The following ERC2 variants were observed in gnomAD, a reference collection of about 807,000 sequenced individuals.
The protein encoded by ERC2 is ELKS/RAB6-interacting/CAST family member 2, also known as ERC protein 2.
In ERC2, 42 loss-of-function variants were observed where a neutral mutation model predicts 114.8. The ratio of observed to expected loss-of-function variants is 0.37; its 90% CI spans 0.29 to 0.47. The LOEUF is 0.47. ERC2 is among the 20% of genes least tolerant of loss of function. The probability of loss-of-function intolerance (pLI) is 0.99; values close to 1 mark genes in which losing one functional copy is unlikely to be tolerated. For synonymous variants in ERC2, 454 were observed against 425.5 expected (o/e 1.07, Z -0.82); for missense variants, 939 against 1,150.7 (o/e 0.82, Z 2.66).
intron 15 of ERC2, among the ~76,000 whole-genome samples, chr3:55,720,131 C>T (rs1236968176): frequency 1.0e-4 from 1 of 9,760 alleles, no homozygotes; most frequent in Non-Finnish European, 1.7e-4. Context: ...CTTCTTCTTC[C>T]TCTTCTTCTT....
intron 6 of ERC2, among the ~76,000 whole-genome samples, chr3:56,129,886 A>G (rs750562118): frequency 2.6e-5 from 4 of 152,252 alleles, no homozygotes; most frequent in Non-Finnish European, 5.9e-5. Flanking sequence ...TATCTTAATT[A>G]CATATTTGGT....
intron 4 of ERC2, among the ~76,000 whole-genome samples, chr3:56,166,431 T>C (rs1357326569): frequency 6.6e-6 from 1 of 152,090 alleles, no homozygotes; most frequent in Non-Finnish European, 1.5e-5. Context: ...GAAGAGTTTC[T>C]GTATGATTGA....
chr3:56,411,292 A>G (rs1284242621), intron 2 of ERC2, among the ~76,000 whole-genome samples: 1 of 151,608 alleles, frequency 6.6e-6, no homozygotes, highest in Non-Finnish European at 1.5e-5. Flanking sequence ...CTCCTCCATG[A>G]GCACATCAAA....
intron 14 of ERC2, among the ~76,000 whole-genome samples, chr3:55,803,607 T>G (rs2059386190): frequency 6.6e-6 from 1 of 152,012 alleles, no homozygotes; most frequent in African/African-American, 2.4e-5. Flanking sequence ...CCCTGTTGAT[T>G]TATATCAGTT....
intron 14 of ERC2, among the ~76,000 whole-genome samples, chr3:55,786,829 G>A (rs2069539777): frequency 6.6e-6 from 1 of 152,110 alleles, no homozygotes; most frequent in Non-Finnish European, 1.5e-5. Context: ...GACAATGATA[G>A]CATCTCCCTC....
At chr3:55,663,788 T>G (rs2148714718) in intron 17 of ERC2, among the ~76,000 whole-genome samples, 1 of 152,340 alleles carries the variant, frequency 6.6e-6, no homozygotes, top group Non-Finnish European at 1.5e-5. Flanking sequence ...GCTAAGTAAA[T>G]AAATATATAA....
intron 1 of ERC2, among the ~76,000 whole-genome samples, chr3:56,462,645 G>A (rs1436417259): frequency 6.6e-6 from 1 of 152,100 alleles, no homozygotes; most frequent in Non-Finnish European, 1.5e-5. Flanking sequence ...ATGTTGTTTT[G>A]AACCCCCAAT....
chr3:56,144,787 A>G (rs1042222375), intron 5 of ERC2, among the ~76,000 whole-genome samples: 2 of 152,260 alleles, frequency 1.3e-5, no homozygotes, highest in African/African-American at 4.8e-5. Flanking sequence ...TAAATTTTAA[A>G]TAAATATTTA....
intron 14 of ERC2, among the ~76,000 whole-genome samples, chr3:55,809,745 C>T (rs1031931278): frequency 5.9e-5 from 9 of 151,586 alleles, no homozygotes; most frequent in African/African-American, 1.9e-4. Flanking sequence ...GGTTGGCATC[C>T]GTGCCTCAAA....
chr3:55,713,486 G>T (rs1051139664), intron 15 of ERC2, among the ~76,000 whole-genome samples: 1 of 152,020 alleles, frequency 6.6e-6, no homozygotes, highest in East Asian at 1.9e-4. Flanking sequence ...CAAAGTGCTG[G>T]GATTACAGGC....
intron 12 of ERC2, among the ~76,000 whole-genome samples, chr3:55,952,828 G>A (rs553030300): frequency 2.5e-4 from 38 of 152,080 alleles, no homozygotes; most frequent in South Asian, 1.5e-3. Flanking sequence ...CAGGGATACT[G>A]CAATGTTTTT....
chr3:56,065,102 T>G (rs1392072831), intron 7 of ERC2, among the ~76,000 whole-genome samples: 2 of 152,200 alleles, frequency 1.3e-5, no homozygotes, highest in African/African-American at 2.4e-5. Flanking sequence ...AAATCTTAGG[T>G]ATTTTATCTA....
At chr3:55,601,294 C>T (rs2058391893) in intron 17 of ERC2, among the ~76,000 whole-genome samples, 1 of 152,176 alleles carries the variant, frequency 6.6e-6, no homozygotes, top group Non-Finnish European at 1.5e-5. Flanking sequence ...GGCTTATAAG[C>T]TCCATATGTG....
At chr3:56,413,574 A>G (rs1163594300) in intron 2 of ERC2, among the ~76,000 whole-genome samples, 2 of 152,204 alleles carry the variant, frequency 1.3e-5, no homozygotes, top group Admixed American at 1.3e-4. Context: ...CTCTAAGTGC[A>G]TAGTCCCCTT....
intron 13 of ERC2, among the ~76,000 whole-genome samples, chr3:55,948,654 T>C (rs1423126051): frequency 6.6e-6 from 1 of 152,152 alleles, no homozygotes; most frequent in Non-Finnish European, 1.5e-5. Flanking sequence ...TATGAAGAGG[T>C]TATGAGGTAG....
At chr3:56,312,917 T>C (rs2056661949) in intron 2 of ERC2, among the ~76,000 whole-genome samples, 1 of 148,820 alleles carries the variant, frequency 6.7e-6, no homozygotes, top group Admixed American at 6.7e-5. Flanking sequence ...TGTATCTTTT[T>C]CTTTCTCTGG....
intron 3 of ERC2, among the ~76,000 whole-genome samples, chr3:56,174,860 C>G (rs910137646): frequency 1.3e-5 from 2 of 151,930 alleles, no homozygotes; most frequent in Non-Finnish European, 1.5e-5. Context: ...TGCCTGTAAT[C>G]CCAGCTACTT....
intron 2 of ERC2, among the ~76,000 whole-genome samples, chr3:56,430,927 A>T (rs1036347543): frequency 6.6e-6 from 1 of 152,210 alleles, no homozygotes; most frequent in Non-Finnish European, 1.5e-5. Flanking sequence ...GGAGGTAGTG[A>T]TCATAAAGTT....
intron 14 of ERC2, among the ~76,000 whole-genome samples, chr3:55,816,640 T>G (rs1236942891): frequency 6.6e-6 from 1 of 152,186 alleles, no homozygotes; most frequent in Non-Finnish European, 1.5e-5. Context: ...TAATTCCCAT[T>G]GTTTTAAGAC....
Sources: allele counts gnomAD v4.1 joint callset (sites outside exome capture counted in the v4.1 genomes callset), GRCh38; gene constraint gnomAD v4.1.1; transcripts MANE v1.5; gene names NCBI Gene and HGNC (gene_info 2026-07-23, HGNC 2026-07-21).